PIK3R5: variants seen among roughly 807,000 people sequenced by gnomAD.
PIK3R5 encodes phosphoinositide-3-kinase regulatory subunit 5.
In PIK3R5, 32 loss-of-function variants were observed where a neutral mutation model predicts 94.9. That is an observed-to-expected ratio of 0.34 (90% CI 0.25 to 0.45). The LOEUF is 0.45. PIK3R5 is among the 20% of genes least tolerant of loss of function. The pLI is 1.00. For missense variants in PIK3R5, 853 were observed against 1,144.6 expected, an observed-to-expected ratio of 0.75 and a Z score of 3.68; for synonymous variants, 443 against 479.4, an observed-to-expected ratio of 0.92 and a Z score of 0.99.
rs2089764230 is a variant in PIK3R5 at position 8,884,592 on chromosome 17, C to T, written c.2205+115G>A. On this transcript the variant is annotated intron_variant, in intron 15 of 18. Coordinates refer to ENST00000447110, the MANE Select transcript of PIK3R5 (RefSeq NM_001142633.3). The surrounding 1 kb of genome is among the most constrained non-coding windows in gnomAD (Gnocchi z 5.8). ...ATCCAGGGGAGCCTGCTGCAGCCTTCCAGCGTAAAGACTGGGGCCCAGGAA... is the reference window on the plus strand; with the variant it reads ...ATCCAGGGGAGCCTGCTGCAGCCTTTCAGCGTAAAGACTGGGGCCCAGGAA... The T allele has an allele frequency of 1.3e-6, 1 of 768,928 alleles. No individual in the cohort carries two copies. Among genetic ancestry groups the T allele is most frequent in the Non-Finnish European group, 2.2e-6 (1 of 449,292 alleles). 47.6% of individuals were successfully genotyped at this position (768,928 alleles called of 1,614,324 possible). A position where few individuals can be genotyped will look rare whatever the true frequency, so the allele number is the denominator to read the frequency against.
At position 8,892,833 on chromosome 17, in the gene PIK3R5, T is replaced by A. The variant is rs1027438973; in HGVS notation, c.482+753A>T. On this transcript the variant is annotated intron_variant, in intron 6 of 18. Coordinates refer to ENST00000447110, the MANE Select transcript of PIK3R5 (RefSeq NM_001142633.3). This position sits in a 1 kb window ranked among gnomAD's most constrained non-coding sequence, Gnocchi z 4.3. ...CTGAGGTGGTGAAGGCCGGGGTCCC[T>A]GGGCTCCCAACATGTCAAGGTGAGA... Among the ~76,000 whole-genome samples, 2 of 152,168 alleles carry A rather than the reference T, an allele frequency of 1.3e-5. No individual in the cohort carries two copies. Among genetic ancestry groups the A allele is most frequent in the African/African-American group, 4.8e-5 (2 of 41,436 alleles).
In PIK3R5 at chr17:8,881,954, A is replaced by C. The variant is rs768707626; in HGVS notation, c.2206-73T>G. On this transcript the variant is annotated intron_variant, in intron 15 of 18. Coordinates refer to ENST00000447110, the MANE Select transcript of PIK3R5 (RefSeq NM_001142633.3). This position sits in a 1 kb window ranked among gnomAD's most constrained non-coding sequence, Gnocchi z 4.8. ...CCTGCTGCCTTCTCTTTGAAGGCCCATCAGTGACAGGGGGTTGCCTCTAGT... is the reference window on the plus strand; with the variant it reads ...CCTGCTGCCTTCTCTTTGAAGGCCCCTCAGTGACAGGGGGTTGCCTCTAGT... The C allele has an allele frequency of 8.6e-7, 1 of 1,168,216 alleles. No homozygotes were observed. Among genetic ancestry groups the C allele is most frequent in the Non-Finnish European group, 1.3e-6 (1 of 792,708 alleles). 72.4% of individuals were successfully genotyped at this position (1,168,216 alleles called of 1,614,324 possible). A position where few individuals can be genotyped will look rare whatever the true frequency, so the allele number is the denominator to read the frequency against.
chr17:8,900,365 C>T (rs768623372), intron 5 of PIK3R5, among the ~76,000 whole-genome samples: 12 of 152,154 alleles, frequency 7.9e-5, no homozygotes, highest in Admixed American at 2.0e-4. Context: ...CATTAATGAG[C>T]GGGCACAGGC....
At chr17:8,885,852 C>T (rs2089828899) in intron 14 of PIK3R5, among the ~76,000 whole-genome samples, 1 of 126,452 alleles carries the variant, frequency 7.9e-6, no homozygotes, top group South Asian at 2.9e-4. Flanking sequence ...GCCCCGCCTC[C>T]TGGGTAACTC....
At position 8,925,274 on chromosome 17, in the gene PIK3R5, TGATAGATAGTAGATGGATAGATA is replaced by T. The variant is rs1177733066; in HGVS notation, c.-13-13790_-13-13768del. Among the ~76,000 whole-genome samples the T allele has an allele frequency of 2.7e-5, 4 of 148,418 alleles. No individual in the cohort carries two copies. Among genetic ancestry groups the T allele is most frequent in the East Asian group, 4.0e-4 (2 of 4,960 alleles). ...GATAGATAGATGGTTAGCTAGTAGA[TGATAGATAGTAGATGGATAGATA>T]GATAGATAGTAGATGGATAGATAGT... On this transcript the variant is annotated intron_variant, in intron 1 of 18. Transcript: ENST00000447110. The surrounding 1 kb of genome is among the most constrained non-coding windows in gnomAD (Gnocchi z 5.1).
chr17:8,885,519 A>C (rs1221623363), intron 14 of PIK3R5, among the ~76,000 whole-genome samples: 3 of 48,652 alleles, frequency 6.2e-5, no homozygotes, highest in Admixed American at 2.8e-4. Context: ...GGGTAACTCC[A>C]TCTTCCCATG....
At chr17:8,937,753 G>C (rs921617744) in intron 1 of PIK3R5, among the ~76,000 whole-genome samples, 13 of 152,176 alleles carry the variant, frequency 8.5e-5, no homozygotes, top group African/African-American at 2.4e-4. Context: ...CATAGAATGA[G>C]TTAGGAAGCA....
chr17:8,910,369 A>G (rs78728781), intron 2 of PIK3R5, among the ~76,000 whole-genome samples: 3 of 152,202 alleles, frequency 2.0e-5, no homozygotes, highest in Non-Finnish European at 4.4e-5. Flanking sequence ...CCCCAGCCCT[A>G]TGAGCTTAGC....
intron 1 of PIK3R5, among the ~76,000 whole-genome samples, chr17:8,956,498 C>A (rs749302196): frequency 6.6e-6 from 1 of 152,178 alleles, no homozygotes; most frequent in Non-Finnish European, 1.5e-5. Flanking sequence ...ATCATAGAGT[C>A]CAGTTGGTCC....
intron 1 of PIK3R5, among the ~76,000 whole-genome samples, chr17:8,960,187 G>C (rs1812705963): frequency 6.6e-6 from 1 of 152,186 alleles, no homozygotes; most frequent in Non-Finnish European, 1.5e-5. Context: ...ATGAGATGTT[G>C]AAAAGAATGC....
In PIK3R5 at chr17:8,888,824, T is replaced by A. The variant is rs551094338; in HGVS notation, c.963A>T (p.Glu321Asp). Residue 321 changes from glutamate (E) to aspartate (D), a missense_variant, in exon 10 of 19, where the codon GAA becomes GAT. By Grantham distance (45) the Glu-to-Asp change is conservative. Transcript: ENST00000447110. The surrounding 1 kb of genome is among the most constrained non-coding windows in gnomAD (Gnocchi z 7.8). ...CCTCCTCCTCCTCCTCTTCCTCCTC[T>A]TCATCATCTCCCAGGATCCCTGGCT... is the stretch of plus-strand genomic sequence containing the variant. ...LLQPGILGDD[E>D]EEEEEEEEVE... is the part of the protein sequence containing the mutation. The A allele has an allele frequency of 1.9e-6, 3 of 1,609,832 alleles. No homozygotes were observed. The highest frequency in any genetic ancestry group is 2.5e-6 in the Non-Finnish European group (3 of 1,179,982).
Position 8,890,201 on chromosome 17 carries a change from C to T in PIK3R5, c.658-75G>A. 6.7e-7 allele frequency: 1 copy of T among 1,494,646 alleles called. No homozygotes were observed. The highest frequency in any genetic ancestry group is 1.7e-4 in the Middle Eastern group (1 of 5,856). 92.6% of individuals were successfully genotyped at this position (1,494,646 alleles called of 1,614,324 possible). The stretch of plus-strand genomic sequence containing the variant: ...GTCCACCTGTTCCAGTTGCTAGCTT[C>T]TTACTGAGGGAGGCAGTGATCTGTC... On this transcript the variant is annotated intron_variant, in intron 7 of 18. Transcript: ENST00000447110. The surrounding 1 kb of genome is among the most constrained non-coding windows in gnomAD (Gnocchi z 6.1).
chr17:8,904,873 C>A lies in PIK3R5; in HGVS notation c.316G>T (p.Ala106Ser). ...PPDSDLLLKA[A>S]STYHRFLTWP... is the part of the protein sequence containing the mutation. ...GTCAGGAACCGGTGGTAGGTGCTGG[C>A]TGCCTTCAGAAGGAGATCCGAGTCT... Residue 106 changes from alanine (A) to serine (S), a missense_variant, in exon 5 of 19, where the codon GCC (alanine) becomes TCC (serine). Around this residue, in one of 6 missense-constraint regions of PIK3R5, gnomAD observed 108 missense variants for 170.1 expected, o/e 0.63. Transcript: ENST00000447110. This position sits in a 1 kb window ranked among gnomAD's most constrained non-coding sequence, Gnocchi z 5.1. The A allele has an allele frequency of 2.5e-6, 4 of 1,613,922 alleles. No homozygotes were observed. Among genetic ancestry groups the A allele is most frequent in the Non-Finnish European group, 2.5e-6 (3 of 1,180,032 alleles).
At position 8,881,946 on chromosome 17, in the gene PIK3R5, G is replaced by A; in HGVS notation, c.2206-65C>T. ...CCCCGGTGCCTGCTGCCTTCTCTTT[G>A]AAGGCCCATCAGTGACAGGGGGTTG... On this transcript the variant is annotated intron_variant, in intron 15 of 18. Coordinates refer to ENST00000447110, the MANE Select transcript of PIK3R5 (RefSeq NM_001142633.3). The surrounding 1 kb of genome is among the most constrained non-coding windows in gnomAD (Gnocchi z 4.8). The A allele has an allele frequency of 1.6e-6, 2 of 1,273,324 alleles. No individual in the cohort carries two copies. Among genetic ancestry groups the A allele is most frequent in the East Asian group, 4.9e-5 (2 of 40,990 alleles). 78.9% of individuals were successfully genotyped at this position (1,273,324 alleles called of 1,614,324 possible).
intron 1 of PIK3R5, among the ~76,000 whole-genome samples, chr17:8,960,792 C>G (rs2091550169): frequency 1.3e-5 from 2 of 152,200 alleles, no homozygotes; most frequent in South Asian, 4.1e-4. Flanking sequence ...ACAACAACAA[C>G]AAGACTCCTG....
At chr17:8,953,552 C>T (rs887072679) in intron 1 of PIK3R5, among the ~76,000 whole-genome samples, 35 of 152,274 alleles carry the variant, frequency 2.3e-4, no homozygotes, top group Non-Finnish European at 4.3e-4. Flanking sequence ...GCACCTTGGC[C>T]CTACCACTGG....
chr17:8,954,253 T>C (rs1376522884), intron 1 of PIK3R5, among the ~76,000 whole-genome samples: 3 of 152,250 alleles, frequency 2.0e-5, no homozygotes, highest in Non-Finnish European at 4.4e-5. Flanking sequence ...AAGGACCATA[T>C]GCAAATTAAT....
Position 8,893,492 on chromosome 17 carries a change from T to G in PIK3R5, c.482+94A>C, listed in dbSNP as rs1332363501. 1 of 999,042 alleles carries G rather than the reference T, an allele frequency of 1.0e-6. No homozygotes were observed. Among genetic ancestry groups the G allele is most frequent in the Non-Finnish European group, 1.6e-6 (1 of 631,766 alleles). 61.9% of individuals were successfully genotyped at this position (999,042 alleles called of 1,614,324 possible). Reference sequence around the variant, plus strand: ...TGGGGTGGACAGGGGGTGGGGGCACTGGATGTTTGAGTGGGGGAGGAGGGT... The same window carrying G: ...TGGGGTGGACAGGGGGTGGGGGCACGGGATGTTTGAGTGGGGGAGGAGGGT... On this transcript the variant is annotated intron_variant, in intron 6 of 18. Coordinates refer to ENST00000447110, the MANE Select transcript of PIK3R5 (RefSeq NM_001142633.3). This position sits in a 1 kb window ranked among gnomAD's most constrained non-coding sequence, Gnocchi z 5.1.
At chr17:8,894,727 C>A (rs1355163986) in intron 5 of PIK3R5, among the ~76,000 whole-genome samples, 1 of 152,142 alleles carries the variant, frequency 6.6e-6, no homozygotes, top group East Asian at 1.9e-4. Context: ...CCTCACAGAG[C>A]AGGGGCTGGG....
Sources: gnomAD v4.1 joint callset for allele counts (sites outside exome capture counted in the v4.1 genomes callset) on GRCh38, gnomAD v4.1.1 for gene constraint, gnomAD v4.1.1 regional missense constraint, Gnocchi (gnomAD v3.1) non-coding constraint, MANE v1.5 for transcripts, NCBI Gene and HGNC (gene_info 2026-07-23, HGNC 2026-07-21) for gene names.